The following DSCAML1 variants were observed in gnomAD, a reference collection of about 807,000 sequenced individuals.
DSCAML1 encodes DS cell adhesion molecule like 1, also known as cell adhesion molecule DSCAML1.
DSCAML1 carries 38 observed loss-of-function variants against 200.5 expected under a neutral mutation model. That is an observed-to-expected ratio of 0.19 (90% CI 0.15 to 0.25). The LOEUF (loss-of-function observed/expected upper bound fraction) is 0.25. Among genes scored for constraint, DSCAML1 ranks in the 10% least tolerant of loss-of-function variants. The pLI, the probability that DSCAML1 is intolerant of heterozygous loss-of-function variation, is 1.00. For missense variants in DSCAML1, 2,223 were observed against 2,858.8 expected (o/e 0.78, Z 5.07); for synonymous variants, 1,215 against 1,165.0 (o/e 1.04, Z -0.87).
At chr11:117,783,726 G>C (rs1379696848) in intron 1 of DSCAML1, among the ~76,000 whole-genome samples, 3 of 152,086 alleles carry the variant, frequency 2.0e-5, no homozygotes, top group African/African-American at 4.8e-5. Context: ...CCTCAGAGCT[G>C]GGGGATGCAC....
At chr11:117,540,280 G>C (rs2050243843) in intron 3 of DSCAML1, among the ~76,000 whole-genome samples, 1 of 152,202 alleles carries the variant, frequency 6.6e-6, no homozygotes, top group Admixed American at 6.5e-5. Flanking sequence ...AGCAGCATTA[G>C]ATTCTCACAG....
At chr11:117,443,598 C>G (rs1035136364) in intron 21 of DSCAML1, among the ~76,000 whole-genome samples, 3 of 152,202 alleles carry the variant, frequency 2.0e-5, no homozygotes, top group African/African-American at 7.2e-5. Flanking sequence ...GTAGAGGCGA[C>G]TCCCCCTTTT....
At chr11:117,650,702 C>CGCGT (rs768024449) in intron 3 of DSCAML1, among the ~76,000 whole-genome samples, 2 of 68,942 alleles carry the variant, frequency 2.9e-5, no homozygotes, top group Non-Finnish European at 6.4e-5. Flanking sequence ...TGTGTGTGTG[C>CGCGT]GTGTGTGTGT....
chr11:117,577,919 G>C (rs1187401331), intron 3 of DSCAML1, among the ~76,000 whole-genome samples: 8 of 151,190 alleles, frequency 5.3e-5, no homozygotes, highest in Non-Finnish European at 8.8e-5. Flanking sequence ...TCACCCAGTT[G>C]ACCCCTCTTG....
chr11:117,817,023 T>C (rs934397959), intron 1 of DSCAML1, among the ~76,000 whole-genome samples: 10 of 152,232 alleles, frequency 6.6e-5, no homozygotes, highest in African/African-American at 9.6e-5. Context: ...CACAGGGCTC[T>C]TTCTCTGGAG....
chr11:117,739,717 A>G (rs569553283), intron 3 of DSCAML1, among the ~76,000 whole-genome samples: 1 of 152,342 alleles, frequency 6.6e-6, no homozygotes, highest in East Asian at 1.9e-4. Context: ...CATGGCCATT[A>G]GTGGTGGCTG....
At chr11:117,631,416 G>A (rs560546157) in intron 3 of DSCAML1, among the ~76,000 whole-genome samples, 7 of 152,306 alleles carry the variant, frequency 4.6e-5, no homozygotes, top group Admixed American at 2.6e-4. Context: ...GGAGAGCTGC[G>A]GGCTGCAGGC....
Position 117,465,077 on chromosome 11 carries a change from C to T in DSCAML1, c.3130G>A (p.Ala1044Thr), listed in dbSNP as rs1267185896. Reference sequence around the variant, plus strand: ...GTGTAGACCTCGCTGTCCCCCGTGGCCTTCATCTCCACGATGCTGTACTGC... The same window carrying T: ...GTGTAGACCTCGCTGTCCCCCGTGGTCTTCATCTCCACGATGCTGTACTGC... ...NGQYSIVEMK[A>T]TGDSEVYTLD... Residue 1044 changes from alanine to threonine, a missense_variant, in exon 17 of 33, where the codon GCC becomes ACC. Physicochemically the swap from Ala to Thr is moderately conservative, Grantham distance 58. This residue lies in a region of DSCAML1 where 438 missense variants were observed against 629.7 expected (regional missense o/e 0.70). Coordinates refer to ENST00000651296, the MANE Select transcript of DSCAML1 (RefSeq NM_020693.4). 4.0e-5 allele frequency: 64 copies of T among 1,613,990 alleles called. No homozygotes were observed. The highest frequency in any genetic ancestry group is 5.3e-5 in the Non-Finnish European group (62 of 1,180,018).
At chr11:117,801,382 C>T (rs1179239356), upstream of DSCAML1, 1 of 152,232 alleles carries the variant, frequency 6.6e-6, no homozygotes, top group Admixed American at 6.5e-5. Context: ...CCCTCCTACC[C>T]CACATAGGTG....
At chr11:117,436,564 C>T (rs1400029197) in intron 26 of DSCAML1, among the ~76,000 whole-genome samples, 1 of 151,834 alleles carries the variant, frequency 6.6e-6, no homozygotes, top group Admixed American at 6.6e-5. Flanking sequence ...GTATGTATCC[C>T]CATGTGGCAG....
intron 3 of DSCAML1, among the ~76,000 whole-genome samples, chr11:117,654,455 T>C (rs1349606579): frequency 6.6e-6 from 1 of 152,220 alleles, no homozygotes; most frequent in African/African-American, 2.4e-5. Flanking sequence ...ACTATCGGTC[T>C]GCTCTATGAC....
At position 117,521,125 on chromosome 11, in the gene DSCAML1, C is replaced by G. The variant is rs754323231; in HGVS notation, c.1213+5G>C. 2 of 1,608,402 alleles carry G rather than the reference C, an allele frequency of 1.2e-6. No individual in the cohort carries two copies. Among genetic ancestry groups the G allele is most frequent in the Non-Finnish European group, 1.7e-6 (2 of 1,175,420 alleles). On this transcript the variant is annotated splice_donor_5th_base_variant and intron_variant, in intron 6 of 32. Transcript: ENST00000651296. Reference sequence around the variant, plus strand: ...CGCCCCCTGTGTCCTGGCGCCCCAGCTCACCCTCAAGTGCAATGATGGCAA... The same window carrying G: ...CGCCCCCTGTGTCCTGGCGCCCCAGGTCACCCTCAAGTGCAATGATGGCAA...
At chr11:117,496,716 C>T (rs2049295685) in intron 11 of DSCAML1, among the ~76,000 whole-genome samples, 1 of 152,162 alleles carries the variant, frequency 6.6e-6, no homozygotes, top group African/African-American at 2.4e-5. Context: ...TGGCTAAGGC[C>T]TCTAAGAAGG....
At chr11:117,648,694 C>G (rs1305788298) in intron 3 of DSCAML1, among the ~76,000 whole-genome samples, 1 of 152,194 alleles carries the variant, frequency 6.6e-6, no homozygotes, top group African/African-American at 2.4e-5. Flanking sequence ...CAGCCAGACA[C>G]CTGGTGCACA....
intron 21 of DSCAML1, among the ~76,000 whole-genome samples, chr11:117,442,836 T>C (rs2048096155): frequency 6.6e-6 from 1 of 152,086 alleles, no homozygotes; most frequent in Admixed American, 6.5e-5. Context: ...GACTTGGCGC[T>C]GGGAGAGCTA....
At chr11:117,570,802 G>A (rs1293328983) in intron 3 of DSCAML1, among the ~76,000 whole-genome samples, 1 of 152,216 alleles carries the variant, frequency 6.6e-6, no homozygotes, top group Non-Finnish European at 1.5e-5. Context: ...CCCTTCACAG[G>A]GGTGGGAGTG....
In DSCAML1 at chr11:117,776,785, T is replaced by G; in HGVS notation, c.511+6A>C. On this transcript the variant is annotated splice_donor_region_variant and intron_variant, in intron 3 of 32. Coordinates refer to ENST00000651296, the MANE Select transcript of DSCAML1 (RefSeq NM_020693.4). ...CTGTCTGCCGCAGCCCCGGGACGCTTCTTACCTGGGATGATGGAGACTGTG... is the reference window on the plus strand; with the variant it reads ...CTGTCTGCCGCAGCCCCGGGACGCTGCTTACCTGGGATGATGGAGACTGTG... 6.2e-7 allele frequency: 1 copy of G among 1,614,046 alleles called. No individual in the cohort carries two copies. The highest frequency in any genetic ancestry group is 8.5e-7 in the Non-Finnish European group (1 of 1,179,982).
At chr11:117,447,876 G>C (rs894476281) in intron 20 of DSCAML1, among the ~76,000 whole-genome samples, 1 of 152,208 alleles carries the variant, frequency 6.6e-6, no homozygotes. Context: ...AAATGAGTTT[G>C]TGTTGAAATT....
chr11:117,552,722 C>T (rs2050490707), intron 3 of DSCAML1, among the ~76,000 whole-genome samples: 2 of 152,172 alleles, frequency 1.3e-5, no homozygotes, highest in South Asian at 4.1e-4. Flanking sequence ...ACAGGTTCAG[C>T]TAGGTGAAGT....
Sources: gnomAD v4.1 joint callset for allele counts (sites outside exome capture counted in the v4.1 genomes callset) on GRCh38, gnomAD v4.1.1 for gene constraint, gnomAD v4.1.1 regional missense constraint, MANE v1.5 for transcripts, NCBI Gene and HGNC (gene_info 2026-07-23, HGNC 2026-07-21) for gene names.